The following MACROD2 variants were observed in gnomAD, a reference collection of about 807,000 sequenced individuals.
The protein encoded by MACROD2 is mono-ADP ribosylhydrolase 2, also known as ADP-ribose glycohydrolase MACROD2.
Under a neutral mutation model 70.4 loss-of-function variants are expected in MACROD2, and 36 were observed. That is an observed-to-expected ratio of 0.51 (90% CI 0.39 to 0.68). The LOEUF (loss-of-function observed/expected upper bound fraction) is 0.68, where lower values mean the gene tolerates loss of function less well. Among genes scored for constraint, MACROD2 ranks in the 30% least tolerant of loss-of-function variants. The pLI is 0.00. For missense variants in MACROD2, 496 were observed against 538.4 expected, an observed-to-expected ratio of 0.92 and a Z score of 0.78; for synonymous variants, 172 against 178.8, an observed-to-expected ratio of 0.96 and a Z score of 0.30.
intron 6 of MACROD2, among the ~76,000 whole-genome samples, chr20:15,249,210 A>G (rs1275229964): frequency 1.3e-5 from 2 of 152,116 alleles, no homozygotes; most frequent in African/African-American, 4.8e-5. Context: ...ACCCTCAGGC[A>G]GTCTCAGGAG....
At chr20:15,040,459 A>G (rs2075347272) in intron 5 of MACROD2, among the ~76,000 whole-genome samples, 1 of 152,034 alleles carries the variant, frequency 6.6e-6, no homozygotes, top group African/African-American at 2.4e-5. Context: ...CTGTTTCCTA[A>G]TGTTCTTTAG....
At chr20:15,500,976 A>C (rs902474323) in intron 8 of MACROD2, among the ~76,000 whole-genome samples, 3 of 152,158 alleles carry the variant, frequency 2.0e-5, no homozygotes, top group East Asian at 1.9e-4. Flanking sequence ...GACACATTTT[A>C]TTTTCTTTTC....
At chr20:16,045,773 C>A (rs2067371275) in intron 17 of MACROD2, among the ~76,000 whole-genome samples, 1 of 152,004 alleles carries the variant, frequency 6.6e-6, no homozygotes, top group Admixed American at 6.6e-5. Context: ...GCTCACCCTG[C>A]ATGAAGAGAT....
At chr20:15,225,374 A>G (rs1231319967) in intron 5 of MACROD2, among the ~76,000 whole-genome samples, 2 of 152,180 alleles carry the variant, frequency 1.3e-5, no homozygotes, top group Non-Finnish European at 2.9e-5. Flanking sequence ...CTTTGTTTAA[A>G]TGTTTTATTT....
chr20:15,140,194 A>G (rs540326939), intron 5 of MACROD2, among the ~76,000 whole-genome samples: 1 of 152,150 alleles, frequency 6.6e-6, no homozygotes, highest in Non-Finnish European at 1.5e-5. Flanking sequence ...GTCCAGGGTT[A>G]TGACTTGTCC....
In MACROD2 at chr20:15,196,677, T is replaced by G. The variant is rs549010933; in HGVS notation, c.419-33263T>G. 6.6e-5 allele frequency among the ~76,000 whole-genome samples: 10 copies of G among 152,318 alleles called. No individual in the cohort carries two copies. In the East Asian group the frequency reaches 1.9e-3, roughly 29 times the overall value. ...CACCTGTTCCAGGTTTTGGATATGT[T>G]TTTGACAGTGGTTTTTAAATTATGT... On this transcript the variant is annotated intron_variant, in intron 5 of 17. Transcript: ENST00000684519.
intron 5 of MACROD2, among the ~76,000 whole-genome samples, chr20:14,993,463 G>C (rs770920455): frequency 6.6e-6 from 1 of 151,990 alleles, no homozygotes; most frequent in South Asian, 2.1e-4. Flanking sequence ...CCCATTTTCT[G>C]TGTGTCTTTA....
intron 7 of MACROD2, among the ~76,000 whole-genome samples, chr20:15,450,954 G>T (rs2046632569): frequency 6.6e-6 from 1 of 152,094 alleles, no homozygotes; most frequent in Non-Finnish European, 1.5e-5. Context: ...GTCTGATTAT[G>T]GGACATACTG....
intron 5 of MACROD2, among the ~76,000 whole-genome samples, chr20:14,930,766 TAAA>T (rs11474347): frequency 4.9e-4 from 35 of 71,638 alleles, no homozygotes; most frequent in African/African-American, 1.6e-3. Context: ...GAGCGTGTCT[TAAA>T]AAAAAAAAAA....
At chr20:14,486,513 C>CT (rs71335969) in intron 3 of MACROD2, among the ~76,000 whole-genome samples, 1,687 of 97,012 alleles carry the variant, frequency 0.017, 232 homozygotes, top group African/African-American at 0.048. Flanking sequence ...AAATAGCCAA[C>CT]TTTTTATTTT....
At chr20:15,925,333 T>C (rs1387792538) in intron 10 of MACROD2, among the ~76,000 whole-genome samples, 1 of 152,254 alleles carries the variant, frequency 6.6e-6, no homozygotes, top group Non-Finnish European at 1.5e-5. Context: ...TACAGGATGC[T>C]TTGTATCTCT....
At chr20:14,731,453 G>T (rs1014204969) in intron 5 of MACROD2, among the ~76,000 whole-genome samples, 1 of 152,120 alleles carries the variant, frequency 6.6e-6, no homozygotes, top group Non-Finnish European at 1.5e-5. Context: ...CTCAATCTCT[G>T]CCTAAATGAA....
chr20:14,363,771 C>T (rs1299039557), intron 3 of MACROD2, among the ~76,000 whole-genome samples: 2 of 132,144 alleles, frequency 1.5e-5, no homozygotes, highest in Non-Finnish European at 3.1e-5. Flanking sequence ...GAGCAGACAT[C>T]GCGCCACTGC....
intron 8 of MACROD2, among the ~76,000 whole-genome samples, chr20:15,849,043 CAT>C (rs1311672093): frequency 1.2e-4 from 18 of 152,148 alleles, no homozygotes; most frequent in African/African-American, 4.3e-4. Flanking sequence ...TGGAACAGCT[CAT>C]GCGTGTTGGG....
At chr20:15,402,969 G>GA (rs1555814392) in intron 6 of MACROD2, among the ~76,000 whole-genome samples, 1 of 150,560 alleles carries the variant, frequency 6.6e-6, no homozygotes, top group Non-Finnish European at 1.5e-5. Flanking sequence ...TTTGTTTTTT[G>GA]TTTTTTTTTG....
chr20:15,936,381 GTATA>G (rs2065661045), intron 11 of MACROD2, among the ~76,000 whole-genome samples: 1 of 145,862 alleles, frequency 6.9e-6, no homozygotes, highest in African/African-American at 2.5e-5. Context: ...TTATATATAA[GTATA>G]TAGCTATACA....
Position 14,021,024 on chromosome 20 carries a change from C to G in MACROD2, c.163+18620C>G, listed in dbSNP as rs1371573366. ...TTTTTTTTTGAGATGGAGTCTTGCT[C>G]TGTTGCCCAGGCTGGAGTGCAGTGG... On this transcript the variant is annotated intron_variant, in intron 2 of 17. Coordinates refer to ENST00000684519, the MANE Select transcript of MACROD2 (RefSeq NM_001351661.2). Among the ~76,000 whole-genome samples the G allele has an allele frequency of 5.6e-5, 7 of 124,194 alleles. No individual in the cohort carries two copies. In the Admixed American group the frequency reaches 5.9e-4, roughly 10 times the overall value. The allele number at this position is 124,194 out of a possible 152,430, so 81.5% of individuals were successfully genotyped here. A position where few individuals can be genotyped will look rare whatever the true frequency, so the allele number is the denominator to read the frequency against.
At chr20:14,875,272 T>C (rs1312170459) in intron 5 of MACROD2, among the ~76,000 whole-genome samples, 1 of 151,820 alleles carries the variant, frequency 6.6e-6, no homozygotes, top group African/African-American at 2.4e-5. Flanking sequence ...TTCCAACTAC[T>C]TGGGAGGCTG....
chr20:14,493,692 A>C, intron 4 of MACROD2, 184 bp downstream of exon 4: 3 of 514,352 alleles, frequency 5.8e-6, no homozygotes, highest in Non-Finnish European at 1.0e-5. Flanking sequence ...ATGTTATTTT[A>C]ATTGACTTCG....
Sources: allele counts gnomAD v4.1 joint callset (sites outside exome capture counted in the v4.1 genomes callset), GRCh38; gene constraint gnomAD v4.1.1; transcripts MANE v1.5; gene names NCBI Gene and HGNC (gene_info 2026-07-23, HGNC 2026-07-21).